Variants in FHIT observed in about 807,000 individuals in gnomAD.
FHIT encodes the protein fragile histidine triad diadenosine triphosphatase.
A neutral mutation model predicts 17.9 loss-of-function variants in FHIT; 19 were observed. That is an observed-to-expected ratio of 1.06 (90% CI 0.74 to 1.56). FHIT has a LOEUF of 1.56. Among genes scored for constraint, FHIT ranks in the 40% most tolerant of loss-of-function variants. FHIT has a pLI of 0.00. For synonymous variants in FHIT, 81 were observed against 69.7 expected, an observed-to-expected ratio of 1.16 and a Z score of -0.81; for missense variants, 248 against 189.2, an observed-to-expected ratio of 1.31 and a Z score of -1.82.
intron 4 of FHIT, among the ~76,000 whole-genome samples, chr3:60,590,319 A>C (rs797032933): frequency 2.0e-4 from 30 of 152,174 alleles, no homozygotes; most frequent in African/African-American, 7.0e-4. Context: ...ATCAAAATTC[A>C]TACTACAAAT....
At chr3:60,877,735 G>A (rs1283916917) in intron 3 of FHIT, among the ~76,000 whole-genome samples, 1 of 152,024 alleles carries the variant, frequency 6.6e-6, no homozygotes. Flanking sequence ...CATGACCTAA[G>A]ACAGTCTACC....
intron 5 of FHIT, among the ~76,000 whole-genome samples, chr3:60,464,295 A>G (rs2032657851): frequency 6.6e-6 from 1 of 152,166 alleles, no homozygotes; most frequent in Non-Finnish European, 1.5e-5. Flanking sequence ...ATGCAGGAAT[A>G]CAATACATAA....
intron 4 of FHIT, among the ~76,000 whole-genome samples, chr3:60,679,815 G>C (rs1391517634): frequency 6.6e-6 from 1 of 151,756 alleles, no homozygotes; most frequent in African/African-American, 2.4e-5. Context: ...GAAAATGATG[G>C]GGTTTTTTTT....
At chr3:60,713,498 T>C (rs1485952407) in intron 4 of FHIT, among the ~76,000 whole-genome samples, 16 of 149,766 alleles carry the variant, frequency 1.1e-4, no homozygotes, top group African/African-American at 3.9e-4. Context: ...AGCTGGTTTT[T>C]TGAAAGGATC....
chr3:60,598,949 T>G (rs1553667729), intron 4 of FHIT, among the ~76,000 whole-genome samples: 1 of 152,208 alleles, frequency 6.6e-6, no homozygotes, highest in Non-Finnish European at 1.5e-5. Flanking sequence ...AGATGTGCTG[T>G]CTGCCAAGGG....
At chr3:61,235,508 TA>T (rs915319754) in intron 1 of FHIT, among the ~76,000 whole-genome samples, 6 of 152,130 alleles carry the variant, frequency 3.9e-5, no homozygotes, top group Non-Finnish European at 4.4e-5. Context: ...TTTTAGGTCC[TA>T]AAGAGGCCCA....
At chr3:60,000,888 T>G (rs78519217) in intron 7 of FHIT, among the ~76,000 whole-genome samples, 1,654 of 152,284 alleles carry the variant, frequency 0.011, 32 homozygotes, top group African/African-American at 0.037. Flanking sequence ...ACACTAAATT[T>G]CTGCCACCTG....
chr3:60,003,793 C>A (rs976368308), intron 7 of FHIT, among the ~76,000 whole-genome samples: 3 of 151,430 alleles, frequency 2.0e-5, no homozygotes, highest in African/African-American at 7.3e-5. Context: ...GTTGAATTGG[C>A]CACTAATATT....
intron 4 of FHIT, among the ~76,000 whole-genome samples, chr3:60,645,053 C>A (rs782329145): frequency 5.9e-5 from 9 of 152,094 alleles, no homozygotes; most frequent in Non-Finnish European, 1.0e-4. Flanking sequence ...CACTAGATCC[C>A]AGGTGGGTGG....
rs111427134 is a variant in FHIT at position 60,842,345 on chromosome 3, G to GA, written c.-110-20335dup. 4.7e-4 allele frequency among the ~76,000 whole-genome samples: 66 copies of GA among 139,934 alleles called. 1 individual carries two copies. Among genetic ancestry groups the GA allele is most frequent in the East Asian group, 1.6e-3 (8 of 4,876 alleles). The allele number at this position is 139,934 out of a possible 152,430, so 91.8% of individuals were successfully genotyped here. The stretch of plus-strand genomic sequence containing the variant: ...TCTAGACAGTATTGATCTCCCACCA[G>GA]AAAAAAAAAAAGAACTCAGAGTGTG... On this transcript the variant is annotated intron_variant, in intron 3 of 9. Coordinates refer to ENST00000492590, the MANE Select transcript of FHIT (RefSeq NM_002012.4).
chr3:60,740,966 C>T lies in FHIT; in HGVS notation c.-18+80953G>A, dbSNP rs910759251. The stretch of plus-strand genomic sequence containing the variant: ...AGGCAAATGGTTCCTGGCTCTGTGG[C>T]CTTCCCATCTTACCATCACAGAAGC... On this transcript the variant is annotated intron_variant, in intron 4 of 9. Transcript: ENST00000492590. Among the ~76,000 whole-genome samples the T allele has an allele frequency of 3.3e-5, 5 of 152,256 alleles. No individual in the cohort carries two copies. In the South Asian group the frequency reaches 1.0e-3, roughly 32 times the overall value.
At chr3:60,573,282 G>C (rs532896566) in intron 4 of FHIT, among the ~76,000 whole-genome samples, 1 of 152,232 alleles carries the variant, frequency 6.6e-6, no homozygotes, top group Middle Eastern at 3.4e-3. Context: ...GTGTCCTAGG[G>C]ACATTTGAGA....
At chr3:59,821,838 TG>T (rs1202418345) in intron 8 of FHIT, among the ~76,000 whole-genome samples, 1 of 152,132 alleles carries the variant, frequency 6.6e-6, no homozygotes, top group East Asian at 1.9e-4. Flanking sequence ...GGGGAACAAG[TG>T]GTATTCGGTT....
intron 8 of FHIT, among the ~76,000 whole-genome samples, chr3:59,829,745 G>T (rs941691072): frequency 6.6e-6 from 1 of 152,134 alleles, no homozygotes; most frequent in Non-Finnish European, 1.5e-5. Context: ...TGACTCTCCA[G>T]CTCTCTCTTA....
At chr3:60,077,720 A>G in intron 5 of FHIT, among the ~76,000 whole-genome samples, 1 of 101,386 alleles carries the variant, frequency 9.9e-6, no homozygotes, top group East Asian at 2.4e-4. Flanking sequence ...ACACACACAC[A>G]CACACACACA....
intron 5 of FHIT, among the ~76,000 whole-genome samples, chr3:60,071,392 A>T (rs1181722932): frequency 6.6e-6 from 1 of 152,186 alleles, no homozygotes; most frequent in Non-Finnish European, 1.5e-5. Context: ...CTAAAATTAC[A>T]CAAGTGGCTT....
intron 8 of FHIT, among the ~76,000 whole-genome samples, chr3:59,760,225 T>C (rs1184588987): frequency 4.6e-5 from 7 of 152,186 alleles, no homozygotes; most frequent in African/African-American, 1.7e-4. Flanking sequence ...ATTAGTGGCA[T>C]CCCATTTTCA....
intron 5 of FHIT, among the ~76,000 whole-genome samples, chr3:60,090,387 G>T (rs865914685): frequency 6.6e-6 from 1 of 152,108 alleles, no homozygotes; most frequent in Non-Finnish European, 1.5e-5. Flanking sequence ...TTCAAAAGTC[G>T]GTAATGACAG....
chr3:61,181,813 G>GA (rs1292893058), intron 2 of FHIT, among the ~76,000 whole-genome samples: 2 of 151,912 alleles, frequency 1.3e-5, no homozygotes, highest in African/African-American at 2.4e-5. Flanking sequence ...CTATCCCTTA[G>GA]AAAAAATGGT....
Sources: gnomAD v4.1 joint callset for allele counts (sites outside exome capture counted in the v4.1 genomes callset) on GRCh38, gnomAD v4.1.1 for gene constraint, MANE v1.5 for transcripts, NCBI Gene and HGNC (gene_info 2026-07-23, HGNC 2026-07-21) for gene names.